Variants in PARD3B observed in about 807,000 individuals in gnomAD.
The protein encoded by PARD3B is par-3 family cell polarity regulator beta.
In PARD3B, 103 loss-of-function variants were observed where a neutral mutation model predicts 130.2. The observed-to-expected ratio is 0.79, with a 90% CI of 0.67 to 0.93. PARD3B has a LOEUF of 0.93. Ranked by LOEUF, PARD3B falls within the 40% of genes least tolerant of loss-of-function variation. PARD3B has a pLI of 0.00. For synonymous variants in PARD3B, 583 were observed against 553.2 expected (o/e 1.05, Z -0.76); for missense variants, 1,609 against 1,499.2 (o/e 1.07, Z -1.21).
intron 16 of PARD3B, among the ~76,000 whole-genome samples, chr2:205,254,627 G>A (rs900898158): frequency 6.6e-6 from 1 of 151,802 alleles, no homozygotes. Context: ...CCTACATTGA[G>A]GCTCCAGTAA....
At chr2:205,386,680 A>G (rs1462208566) in intron 18 of PARD3B, among the ~76,000 whole-genome samples, 1 of 145,652 alleles carries the variant, frequency 6.9e-6, no homozygotes, top group African/African-American at 2.5e-5. Flanking sequence ...TGAAGGATTC[A>G]GATTTTTCAG....
At position 204,631,975 on chromosome 2, in the gene PARD3B, G is replaced by C. The variant is rs984170562; in HGVS notation, c.121-54206G>C. On this transcript the variant is annotated intron_variant, in intron 1 of 22. Coordinates refer to ENST00000406610, the MANE Select transcript of PARD3B (RefSeq NM_001302769.2). ...ACATTTTAGACAGCCCTCAGTGAAA[G>C]AAGTCTTATTTATTTCTACTAAGTT... 1.6e-4 allele frequency among the ~76,000 whole-genome samples: 24 copies of C among 152,254 alleles called. 1 individual carries two copies. Among genetic ancestry groups the C allele is most frequent in the African/African-American group, 5.5e-4 (23 of 41,530 alleles).
intron 2 of PARD3B, among the ~76,000 whole-genome samples, chr2:204,903,518 A>G (rs568117781): frequency 6.6e-6 from 1 of 152,310 alleles, no homozygotes; most frequent in South Asian, 2.1e-4. Context: ...TGTTGTTTAT[A>G]TTGATAACTT....
At chr2:205,360,285 C>A (rs2105876667) in intron 18 of PARD3B, among the ~76,000 whole-genome samples, 1 of 151,062 alleles carries the variant, frequency 6.6e-6, no homozygotes, top group Non-Finnish European at 1.5e-5. Context: ...TTTTCATTAT[C>A]AAGTTGCAGT....
At chr2:204,976,705 C>T (rs560141517) in intron 3 of PARD3B, among the ~76,000 whole-genome samples, 1 of 147,078 alleles carries the variant, frequency 6.8e-6, no homozygotes, top group African/African-American at 2.5e-5. Context: ...CCCCTGGACT[C>T]TAGCAATTCT....
chr2:204,758,568 A>C (rs886154968), intron 2 of PARD3B, among the ~76,000 whole-genome samples: 1 of 152,182 alleles, frequency 6.6e-6, no homozygotes, highest in Non-Finnish European at 1.5e-5. Context: ...TGAAAACTGC[A>C]GGTGCTTTAG....
intron 19 of PARD3B, among the ~76,000 whole-genome samples, chr2:205,425,011 A>C (rs1378120579): frequency 6.6e-6 from 1 of 152,200 alleles, no homozygotes; most frequent in Non-Finnish European, 1.5e-5. Flanking sequence ...CAAGTTACAA[A>C]TTTTATCCAA....
chr2:204,994,815 A>T (rs1490219443), intron 3 of PARD3B, among the ~76,000 whole-genome samples: 1 of 149,770 alleles, frequency 6.7e-6, no homozygotes, highest in African/African-American at 2.5e-5. Flanking sequence ...TGTTGAATTG[A>T]TCCCTTTACC....
chr2:205,208,417 G>C (rs895493985), intron 15 of PARD3B, among the ~76,000 whole-genome samples: 1 of 142,316 alleles, frequency 7.0e-6, no homozygotes, highest in African/African-American at 2.8e-5. Context: ...TAGGAAAAGA[G>C]GAAGTCAAAT....
intron 15 of PARD3B, among the ~76,000 whole-genome samples, chr2:205,227,614 T>C (rs1232025057): frequency 6.6e-6 from 1 of 152,100 alleles, no homozygotes; most frequent in Non-Finnish European, 1.5e-5. Context: ...GATTATTGCA[T>C]CTTTTTTTTT....
chr2:205,025,006 C>T (rs1030891146), intron 3 of PARD3B, among the ~76,000 whole-genome samples: 1 of 151,972 alleles, frequency 6.6e-6, no homozygotes, highest in African/African-American at 2.4e-5. Flanking sequence ...AGAAGATGAC[C>T]GACATTTTAG....
chr2:205,118,769 T>C, intron 6 of PARD3B, 152 bp from the exon 7 acceptor site: 1 of 573,076 alleles, frequency 1.7e-6, no homozygotes, highest in Non-Finnish European at 2.7e-6. Flanking sequence ...TTTTTTTGGA[T>C]TAGGGATTAA....
intron 22 of PARD3B, among the ~76,000 whole-genome samples, chr2:205,583,773 C>T (rs1268500564): frequency 1.3e-5 from 2 of 152,190 alleles, no homozygotes; most frequent in Non-Finnish European, 2.9e-5. Flanking sequence ...AAAGATGCTA[C>T]GGAGGTCTGC....
chr2:205,436,573 GT>G (rs929681378), intron 19 of PARD3B, among the ~76,000 whole-genome samples: 8 of 151,548 alleles, frequency 5.3e-5, no homozygotes, highest in Non-Finnish European at 2.9e-5. Context: ...TTCTACGGAA[GT>G]TTTTTTTAAT....
At chr2:205,203,615 C>G (rs1024155252) in intron 15 of PARD3B, among the ~76,000 whole-genome samples, 4 of 152,102 alleles carry the variant, frequency 2.6e-5, no homozygotes, top group African/African-American at 4.8e-5. Flanking sequence ...CTCCCACCCC[C>G]CAACAGGCCC....
intron 2 of PARD3B, among the ~76,000 whole-genome samples, chr2:204,740,057 A>G (rs80346674): frequency 0.012 from 1,796 of 151,854 alleles, 33 homozygotes; most frequent in African/African-American, 0.041. Context: ...CTCATCACCC[A>G]GGCTGGAGTG....
intron 2 of PARD3B, among the ~76,000 whole-genome samples, chr2:204,776,949 G>A (rs1466890392): frequency 6.6e-6 from 1 of 152,068 alleles, no homozygotes; most frequent in African/African-American, 2.4e-5. Flanking sequence ...AGAGAAGTGA[G>A]TAGATAGCAA....
intron 16 of PARD3B, among the ~76,000 whole-genome samples, chr2:205,277,480 G>A (rs1466362534): frequency 6.6e-6 from 1 of 152,166 alleles, no homozygotes; most frequent in Non-Finnish European, 1.5e-5. Context: ...ATACATTGTG[G>A]TAATAGAAAT....
chr2:204,660,484 G>T (rs936017839), intron 1 of PARD3B, among the ~76,000 whole-genome samples: 1 of 152,126 alleles, frequency 6.6e-6, no homozygotes, highest in African/African-American at 2.4e-5. Flanking sequence ...GAAAATATAA[G>T]ACATAGAAAT....
Sources: gnomAD v4.1 joint callset for allele counts (sites outside exome capture counted in the v4.1 genomes callset) on GRCh38, gnomAD v4.1.1 for gene constraint, MANE v1.5 for transcripts, NCBI Gene and HGNC (gene_info 2026-07-23, HGNC 2026-07-21) for gene names.